OSBPL1A: variants seen among roughly 807,000 people sequenced by gnomAD.
OSBPL1A encodes the protein oxysterol binding protein like 1A, also known as oxysterol-binding protein-related protein 1.
In OSBPL1A, 80 loss-of-function variants were observed where a neutral mutation model predicts 137.1. The observed-to-expected ratio is 0.58, with a 90% confidence interval of 0.49 to 0.70. The LOEUF (loss-of-function observed/expected upper bound fraction) is 0.70. OSBPL1A is among the 30% of genes least tolerant of loss of function. OSBPL1A has a pLI of 0.00. For missense variants in OSBPL1A, 970 were observed against 1,129.4 expected (o/e 0.86, Z 2.02); for synonymous variants, 365 against 389.7 (o/e 0.94, Z 0.75).
In OSBPL1A at chr18:24,310,491, A is replaced by G. The variant is rs184397525; in HGVS notation, c.1092+1493T>C. Among the ~76,000 whole-genome samples the G allele has an allele frequency of 4.4e-3, 649 of 149,098 alleles. 5 individuals are homozygous for G. The highest frequency in any genetic ancestry group is 0.015 in the African/African-American group (613 of 40,452). On this transcript the variant is annotated intron_variant, in intron 13 of 27. Transcript: ENST00000319481. Reference sequence around the variant, plus strand: ...GTGGCAGGCGCCTGTAGTCCCAGCTACTCGGCAGGCTGAGGCAGGGGAATG... The same window carrying G: ...GTGGCAGGCGCCTGTAGTCCCAGCTGCTCGGCAGGCTGAGGCAGGGGAATG...
At chr18:24,182,791 CA>C (rs1428154260) in intron 18 of OSBPL1A, among the ~76,000 whole-genome samples, 3 of 152,120 alleles carry the variant, frequency 2.0e-5, no homozygotes, top group Non-Finnish European at 4.4e-5. Context: ...CCCAGAGATT[CA>C]CTACTGGGGA....
intron 1 of OSBPL1A, among the ~76,000 whole-genome samples, chr18:24,379,660 G>T (rs1462276988): frequency 6.6e-6 from 1 of 151,940 alleles, no homozygotes; most frequent in Non-Finnish European, 1.5e-5. Context: ...TTGAGGCCAG[G>T]AGTTTGAGAC....
rs112714026 is a variant in OSBPL1A, at chr18:24,387,591, T to C, written c.-2-10056A>G. ...GGAATAAAGCCATTCATCACAATTT[T>C]TTTTAAAGAGATGGGGACTCGCTTT... On this transcript the variant is annotated intron_variant, in intron 1 of 27. Transcript: ENST00000319481. Among the ~76,000 whole-genome samples the C allele has an allele frequency of 4.1e-3, 625 of 152,272 alleles. 6 individuals carry two copies. Among genetic ancestry groups the C allele is most frequent in the African/African-American group, 0.015 (613 of 41,554 alleles).
intron 16 of OSBPL1A, among the ~76,000 whole-genome samples, chr18:24,234,527 G>C (rs867362994): frequency 7.8e-5 from 11 of 140,410 alleles, no homozygotes; most frequent in African/African-American, 1.9e-4. Flanking sequence ...GCGATCCCAG[G>C]GGGGACGCCA....
chr18:24,195,923 C>T, intron 18 of OSBPL1A: 1 of 484,288 alleles, frequency 2.1e-6, no homozygotes, highest in South Asian at 2.4e-5. Context: ...TTTTTTACAT[C>T]AAAAATGCAC....
chr18:24,259,917 C>A (rs1471683416), intron 15 of OSBPL1A, among the ~76,000 whole-genome samples: 1 of 152,084 alleles, frequency 6.6e-6, no homozygotes, highest in Non-Finnish European at 1.5e-5. Context: ...GAAGTATTTG[C>A]AAATCATATA....
chr18:24,296,132 A>T (rs899521184), intron 14 of OSBPL1A, among the ~76,000 whole-genome samples: 12 of 152,204 alleles, frequency 7.9e-5, no homozygotes, highest in African/African-American at 2.9e-4. Context: ...CTTCCCATCC[A>T]TGAGCATGAG....
At chr18:24,193,725 A>C (rs2086952439) in intron 18 of OSBPL1A, among the ~76,000 whole-genome samples, 1 of 152,192 alleles carries the variant, frequency 6.6e-6, no homozygotes, top group Admixed American at 6.5e-5. Flanking sequence ...AGCAGAAAGA[A>C]GTTTCCAAAA....
chr18:24,353,818 A>G (rs2091486980), intron 4 of OSBPL1A, among the ~76,000 whole-genome samples: 3 of 151,542 alleles, frequency 2.0e-5, no homozygotes, highest in Admixed American at 2.0e-4. Flanking sequence ...TATCGCAAGG[A>G]CGAGAAACCA....
In OSBPL1A at chr18:24,163,252, T is replaced by C. The variant is rs143946098; in HGVS notation, c.2780A>G (p.Asn927Ser). Residue 927 changes from asparagine (N) to serine (S), a missense_variant, in exon 28 of 28, where the codon AAT (asparagine) becomes AGT (serine). Asn to Ser is a conservative substitution (Grantham distance 46, BLOSUM62 1). Transcript: ENST00000319481. Reference sequence around the variant, plus strand: ...AGAGTAAATCCAGTCCTGTGCTCCATTGTAGGGATTAGGACCTTGATGGAA... The same window carrying C: ...AGAGTAAATCCAGTCCTGTGCTCCACTGTAGGGATTAGGACCTTGATGGAA... ...RWFHQGPNPY[N>S]GAQDWIYSGS... 3.4e-3 allele frequency: 5,529 copies of C among 1,612,848 alleles called. 244 individuals carry two copies. In the Admixed American group the frequency reaches 0.082, roughly 24 times the overall value.
intron 15 of OSBPL1A, among the ~76,000 whole-genome samples, chr18:24,250,162 G>T (rs148026419): frequency 0.096 from 5,618 of 58,784 alleles, 280 homozygotes; most frequent in Admixed American, 0.14. Context: ...GTTTTTGTTT[G>T]TTTGTTTGTT....
At position 24,325,301 on chromosome 18, in the gene OSBPL1A, G is replaced by A. The variant is rs1164692693; in HGVS notation, c.626-6492C>T. Among the ~76,000 whole-genome samples the A allele has an allele frequency of 3.3e-5, 5 of 152,124 alleles. No homozygotes were observed. In the East Asian group the frequency reaches 9.7e-4, roughly 29 times the overall value. On this transcript the variant is annotated intron_variant, in intron 7 of 27. Coordinates refer to ENST00000319481, the MANE Select transcript of OSBPL1A (RefSeq NM_080597.4). ...ACATACCACCAAGCTCCTGCTCACA[G>A]CCAACCAGGCCCTGCAGGCCTGGGC...
At chr18:24,173,755 G>A (rs972187463) in intron 21 of OSBPL1A, among the ~76,000 whole-genome samples, 1 of 152,296 alleles carries the variant, frequency 6.6e-6, no homozygotes, top group Non-Finnish European at 1.5e-5. Context: ...TTTACATAAG[G>A]TAAAATTCAT....
chr18:24,334,184 T>C (rs2091130908), intron 6 of OSBPL1A, 61 bp downstream of exon 6: 2 of 1,396,412 alleles, frequency 1.4e-6, no homozygotes, highest in African/African-American at 2.9e-5. Context: ...TAAGTAAAAA[T>C]TTTCCTGAAG....
intron 4 of OSBPL1A, among the ~76,000 whole-genome samples, chr18:24,344,713 C>T (rs2091317822): frequency 1.3e-5 from 2 of 152,004 alleles, no homozygotes; most frequent in Non-Finnish European, 2.9e-5. Flanking sequence ...GGTGAAAGTG[C>T]CGACGTCCAG....
intron 17 of OSBPL1A, among the ~76,000 whole-genome samples, chr18:24,197,647 C>A (rs2087072994): frequency 6.6e-6 from 1 of 152,082 alleles, no homozygotes; most frequent in Non-Finnish European, 1.5e-5. Flanking sequence ...TCCCCACTAT[C>A]CAAGACTATC....
intron 14 of OSBPL1A, among the ~76,000 whole-genome samples, chr18:24,285,212 C>T (rs2090046677): frequency 1.3e-5 from 2 of 152,182 alleles, no homozygotes; most frequent in South Asian, 2.1e-4. Context: ...AACCTCCTTA[C>T]CCCCATCCAA....
At chr18:24,261,051 G>C (rs1035120699) in intron 15 of OSBPL1A, among the ~76,000 whole-genome samples, 2 of 152,034 alleles carry the variant, frequency 1.3e-5, no homozygotes, top group Non-Finnish European at 2.9e-5. Context: ...GCCACAAAAT[G>C]GAATATCATT....
Position 24,270,745 on chromosome 18 carries a change from C to T in OSBPL1A, c.1281+10097G>A, listed in dbSNP as rs1199710909. ...AGTTTGTATTTAGACACCCCCCACCCCACCCCGTTTTCCTGCCTACACACT... is the reference window on the plus strand; with the variant it reads ...AGTTTGTATTTAGACACCCCCCACCTCACCCCGTTTTCCTGCCTACACACT... On this transcript the variant is annotated intron_variant, in intron 15 of 27. Transcript: ENST00000319481. Among the ~76,000 whole-genome samples the T allele has an allele frequency of 5.3e-5, 8 of 152,240 alleles. No homozygotes were observed. The East Asian group carries it at 1.3e-3, about 26-fold the overall frequency.
Sources: allele counts gnomAD v4.1 joint callset (sites outside exome capture counted in the v4.1 genomes callset), GRCh38; gene constraint gnomAD v4.1.1; transcripts MANE v1.5; gene names NCBI Gene and HGNC (gene_info 2026-07-23, HGNC 2026-07-21).